GPC5: variants seen among roughly 807,000 people sequenced by gnomAD.
GPC5 encodes the protein glypican 5.
A neutral mutation model predicts 53.9 loss-of-function variants in GPC5; 47 were observed. That is an observed-to-expected ratio of 0.87 (90% CI 0.69 to 1.11). The LOEUF (loss-of-function observed/expected upper bound fraction) is 1.11, where lower values mean the gene tolerates loss of function less well. Among genes scored for constraint, GPC5 ranks in the 50% most tolerant of loss-of-function variants. GPC5 has a pLI of 0.00. For synonymous variants in GPC5, 286 were observed against 263.3 expected (o/e 1.09, Z -0.84); for missense variants, 748 against 713.1 (o/e 1.05, Z -0.56).
In GPC5 at chr13:92,639,471, T is replaced by C. The variant is rs144341887; in HGVS notation, c.1562-226811T>C. On this transcript the variant is annotated intron_variant, in intron 7 of 7. Transcript: ENST00000377067. ...ATAGATACTGTGAAATCCTTCCTGA[T>C]TTAAATCCTTTGAGTGGCTGGATAT... is the stretch of plus-strand genomic sequence containing the variant. Among the ~76,000 whole-genome samples, 1,312 of 152,366 alleles carry C rather than the reference T, an allele frequency of 8.6e-3. 20 individuals are homozygous for C. Among genetic ancestry groups the C allele is most frequent in the African/African-American group, 0.03 (1,242 of 41,582 alleles).
intron 2 of GPC5, among the ~76,000 whole-genome samples, chr13:91,635,377 C>T (rs1176887034): frequency 6.6e-6 from 1 of 152,046 alleles, no homozygotes; most frequent in African/African-American, 2.4e-5. Flanking sequence ...TGCTTGTTTA[C>T]ACCTACTATC....
At chr13:92,230,440 TAATC>T (rs1362328364) in intron 7 of GPC5, among the ~76,000 whole-genome samples, 1 of 152,138 alleles carries the variant, frequency 6.6e-6, no homozygotes, top group African/African-American at 2.4e-5. Context: ...CAAATTTAAA[TAATC>T]AACACTGAAA....
chr13:91,585,125 G>A (rs2032513679), intron 2 of GPC5, among the ~76,000 whole-genome samples: 2 of 152,118 alleles, frequency 1.3e-5, no homozygotes, highest in South Asian at 2.1e-4. Context: ...TCAGAGAAAT[G>A]CAAATTAATG....
chr13:92,216,325 G>T (rs2042409859), intron 7 of GPC5, among the ~76,000 whole-genome samples: 1 of 152,184 alleles, frequency 6.6e-6, no homozygotes, highest in African/African-American at 2.4e-5. Context: ...AATGAGTATT[G>T]TCAGGGAAGG....
intron 6 of GPC5, among the ~76,000 whole-genome samples, chr13:91,928,317 A>G (rs1393494574): frequency 2.6e-5 from 4 of 152,168 alleles, no homozygotes; most frequent in African/African-American, 7.2e-5. Flanking sequence ...TCTCACATAG[A>G]TTCAATTTTC....
chr13:91,646,353 T>C lies in GPC5; in HGVS notation c.326-46834T>C, dbSNP rs183541759. ...TTTTTAACATTTAAGGAAATGTGTT[T>C]TTACTGTTTGTTGTTATATGTAAAA... On this transcript the variant is annotated intron_variant, in intron 2 of 7. Coordinates refer to ENST00000377067, the MANE Select transcript of GPC5 (RefSeq NM_004466.6). Among the ~76,000 whole-genome samples, 274 of 152,156 alleles carry C rather than the reference T, an allele frequency of 1.8e-3. 2 individuals carry two copies. The highest frequency in any genetic ancestry group is 2.6e-4 in the Non-Finnish European group (18 of 67,984).
intron 7 of GPC5, among the ~76,000 whole-genome samples, chr13:92,663,569 T>G (rs1886421416): frequency 9.3e-6 from 1 of 107,960 alleles, no homozygotes; most frequent in Non-Finnish European, 2.2e-5. Flanking sequence ...AAACCCTGTT[T>G]CTACTAAATA....
intron 5 of GPC5, among the ~76,000 whole-genome samples, chr13:91,895,162 TG>T (rs531058928): frequency 6.6e-6 from 1 of 151,836 alleles, no homozygotes; most frequent in East Asian, 1.9e-4. Context: ...GGGGCTCAGG[TG>T]GTTCCCACAT....
intron 7 of GPC5, among the ~76,000 whole-genome samples, chr13:92,595,204 C>A (rs568286104): frequency 5.3e-5 from 8 of 152,238 alleles, no homozygotes; most frequent in South Asian, 4.1e-4. Context: ...CCAGAGAAAG[C>A]TTTATGCCCC....
chr13:91,959,941 A>G (rs1162461112), intron 6 of GPC5, among the ~76,000 whole-genome samples: 1 of 151,986 alleles, frequency 6.6e-6, no homozygotes, highest in African/African-American at 2.4e-5. Flanking sequence ...CATAGAAGGA[A>G]TATACTTCAA....
At chr13:91,713,997 A>G (rs9589344) in intron 3 of GPC5, among the ~76,000 whole-genome samples, 4,689 of 152,182 alleles carry the variant, frequency 0.031, 108 homozygotes, top group African/African-American at 0.062. Context: ...CAGAATAACC[A>G]TTGAATCTCA....
chr13:92,340,155 T>C lies in GPC5; in HGVS notation c.1561+195166T>C, dbSNP rs1177380852. ...TCTGGATTATTAATTAAGGACACAA[T>C]CAGGAAATAGTTACATATTACACAT... On this transcript the variant is annotated intron_variant, in intron 7 of 7. Transcript: ENST00000377067. 7.2e-5 allele frequency among the ~76,000 whole-genome samples: 11 copies of C among 152,108 alleles called. No individual in the cohort carries two copies. The East Asian group carries it at 2.1e-3, about 29-fold the overall frequency.
intron 3 of GPC5, among the ~76,000 whole-genome samples, chr13:91,725,743 T>G (rs921851158): frequency 6.6e-6 from 1 of 152,178 alleles, no homozygotes; most frequent in Non-Finnish European, 1.5e-5. Flanking sequence ...GTTCAATAAA[T>G]AGCAGTTACA....
chr13:92,802,381 C>G (rs1876938004), intron 7 of GPC5, among the ~76,000 whole-genome samples: 1 of 151,674 alleles, frequency 6.6e-6, no homozygotes, highest in Non-Finnish European at 1.5e-5. Flanking sequence ...CAATGCAGGA[C>G]TATGTCTTTT....
At chr13:92,758,315 C>T (rs1028652501) in intron 7 of GPC5, among the ~76,000 whole-genome samples, 1 of 135,206 alleles carries the variant, frequency 7.4e-6, no homozygotes, top group Non-Finnish European at 1.5e-5. Flanking sequence ...GGGAACATCA[C>T]ACTCTGGGGA....
chr13:92,200,835 C>T (rs1040977887), intron 7 of GPC5, among the ~76,000 whole-genome samples: 1 of 152,284 alleles, frequency 6.6e-6, no homozygotes, highest in Admixed American at 6.5e-5. Flanking sequence ...GTTAGCTTCA[C>T]GGGAAAAGAT....
At chr13:92,624,648 T>C (rs1360984704) in intron 7 of GPC5, among the ~76,000 whole-genome samples, 1 of 152,158 alleles carries the variant, frequency 6.6e-6, no homozygotes, top group Non-Finnish European at 1.5e-5. Flanking sequence ...CTTTACCCAA[T>C]TCAGTATGAA....
intron 3 of GPC5, among the ~76,000 whole-genome samples, chr13:91,714,903 G>A (rs979198834): frequency 2.0e-5 from 3 of 152,206 alleles, no homozygotes; most frequent in East Asian, 1.9e-4. Context: ...TTCCAGGTCC[G>A]GGGGTGTTAC....
At chr13:91,897,134 A>G (rs375127194) in intron 5 of GPC5, among the ~76,000 whole-genome samples, 16 of 152,222 alleles carry the variant, frequency 1.1e-4, no homozygotes, top group African/African-American at 3.8e-4. Context: ...GAACTGTTGG[A>G]CAGGACTTTA....
Sources: allele counts gnomAD v4.1 joint callset (sites outside exome capture counted in the v4.1 genomes callset), GRCh38; gene constraint gnomAD v4.1.1; transcripts MANE v1.5; gene names NCBI Gene and HGNC (gene_info 2026-07-23, HGNC 2026-07-21).